ROBO2: variants seen among roughly 807,000 people sequenced by gnomAD.
ROBO2 encodes the protein roundabout homolog 2.
A neutral mutation model predicts 160.8 loss-of-function variants in ROBO2; 53 were observed. The observed-to-expected ratio is 0.33, with a 90% CI of 0.26 to 0.41. ROBO2 has a LOEUF of 0.41. Among genes scored for constraint, ROBO2 ranks in the 10% least tolerant of loss-of-function variants. ROBO2 has a pLI of 1.00. For missense variants in ROBO2, 1,577 were observed against 1,722.4 expected (o/e 0.92, Z 1.49); for synonymous variants, 664 against 611.7 (o/e 1.09, Z -1.26).
intron 2 of ROBO2, among the ~76,000 whole-genome samples, chr3:77,319,577 A>G (rs1249017203): frequency 6.6e-6 from 1 of 152,212 alleles, no homozygotes; most frequent in Non-Finnish European, 1.5e-5. Flanking sequence ...GTGTGCTATG[A>G]GTAAGACAGC....
intron 2 of ROBO2, among the ~76,000 whole-genome samples, chr3:76,967,073 C>A (rs1394971271): frequency 6.6e-6 from 1 of 152,152 alleles, no homozygotes; most frequent in Non-Finnish European, 1.5e-5. Flanking sequence ...AATCTCACAT[C>A]AAACTTGTAA....
chr3:76,298,477 C>A (rs1479895691), intron 2 of ROBO2, among the ~76,000 whole-genome samples: 1 of 152,112 alleles, frequency 6.6e-6, no homozygotes, highest in East Asian at 1.9e-4. Flanking sequence ...TTGAAAATTT[C>A]TTTAAATATA....
intron 2 of ROBO2, among the ~76,000 whole-genome samples, chr3:76,677,138 C>T (rs1252003878): frequency 6.6e-6 from 1 of 151,948 alleles, no homozygotes; most frequent in African/African-American, 2.4e-5. Flanking sequence ...GATATAACAA[C>T]ATTCCTTAAT....
chr3:76,266,427 C>T (rs1488876684), intron 2 of ROBO2, among the ~76,000 whole-genome samples: 1 of 152,154 alleles, frequency 6.6e-6, no homozygotes, highest in Non-Finnish European at 1.5e-5. Context: ...TCTCACATCA[C>T]ACAGGGCATA....
At chr3:76,021,185 T>C (rs1173514566) in intron 2 of ROBO2, among the ~76,000 whole-genome samples, 1 of 151,818 alleles carries the variant, frequency 6.6e-6, no homozygotes, top group African/African-American at 2.4e-5. Flanking sequence ...AATGGAAATG[T>C]GAGTCCAAAA....
At chr3:76,981,567 T>A (rs973305056) in intron 2 of ROBO2, among the ~76,000 whole-genome samples, 1 of 152,246 alleles carries the variant, frequency 6.6e-6, no homozygotes, top group East Asian at 1.9e-4. Flanking sequence ...GTATAAGTTA[T>A]CAGATTTGCA....
intron 2 of ROBO2, among the ~76,000 whole-genome samples, chr3:76,619,568 G>C (rs2088894682): frequency 6.6e-6 from 1 of 152,116 alleles, no homozygotes; most frequent in Non-Finnish European, 1.5e-5. Context: ...ATACAGTAAG[G>C]ATATTAAAGT....
rs188303345 is a variant in ROBO2, at chr3:76,166,555, A to G, written c.109+228953A>G. On this transcript the variant is annotated intron_variant, in intron 2 of 26. Coordinates refer to the ROBO2 transcript ENST00000487694. ...TACCTCAACCTCTAAATAAATCCTCATTTAGCCTAACTATCCAGCTACCTA... is the reference window on the plus strand; with the variant it reads ...TACCTCAACCTCTAAATAAATCCTCGTTTAGCCTAACTATCCAGCTACCTA... Among the ~76,000 whole-genome samples, 7 of 152,242 alleles carry G rather than the reference A, an allele frequency of 4.6e-5. No homozygotes were observed. In the East Asian group the frequency reaches 1.4e-3, roughly 29 times the overall value.
At chr3:76,056,994 T>C (rs1576664215) in intron 2 of ROBO2, among the ~76,000 whole-genome samples, 2 of 152,336 alleles carry the variant, frequency 1.3e-5, no homozygotes, top group African/African-American at 4.8e-5. Flanking sequence ...TAAACTATGT[T>C]ATTTACCTGA....
rs150774831 is a variant in ROBO2, at chr3:76,422,958, G to T, written c.109+485356G>T. 2.4e-3 allele frequency among the ~76,000 whole-genome samples: 361 copies of T among 152,202 alleles called. 1 individual carries two copies. Among genetic ancestry groups the T allele is most frequent in the Non-Finnish European group, 3.2e-3 (216 of 68,002 alleles). On this transcript the variant is annotated intron_variant, in intron 2 of 26. Transcript: ENST00000487694. ...TACTAAAGATGCATGATGAAAAGGG[G>T]AGGATAAACTCGGTAGGATACCTAA...
chr3:77,625,652 A>G (rs1215665235), intron 23 of ROBO2, among the ~76,000 whole-genome samples: 1 of 152,156 alleles, frequency 6.6e-6, no homozygotes, highest in Non-Finnish European at 1.5e-5. Context: ...CTGGGATTAC[A>G]GGCGTGAGCC....
intron 2 of ROBO2, among the ~76,000 whole-genome samples, chr3:76,282,112 A>G (rs1203002404): frequency 6.6e-6 from 1 of 152,022 alleles, no homozygotes; most frequent in Non-Finnish European, 1.5e-5. Flanking sequence ...AATCTTCACA[A>G]GTGTCTCAAA....
chr3:76,534,277 G>A (rs1221030155), intron 2 of ROBO2, among the ~76,000 whole-genome samples: 2 of 152,014 alleles, frequency 1.3e-5, no homozygotes, highest in African/African-American at 4.8e-5. Context: ...GCACATTTTT[G>A]AGCTTGGAAC....
intron 2 of ROBO2, among the ~76,000 whole-genome samples, chr3:76,768,810 G>A (rs1576513368): frequency 6.6e-6 from 1 of 151,226 alleles, no homozygotes; most frequent in East Asian, 2.0e-4. Flanking sequence ...TCAGTGCATA[G>A]TGAAGCACAC....
chr3:77,040,516 G>A, exon 1 of ROBO2: 2 of 1,350,524 alleles, frequency 1.5e-6, no homozygotes, highest in Non-Finnish European at 1.9e-6. Flanking sequence ...CCTCTGGCTG[G>A]GCTGAATTTG....
At chr3:76,509,029 A>T (rs2080944244) in intron 2 of ROBO2, among the ~76,000 whole-genome samples, 1 of 152,202 alleles carries the variant, frequency 6.6e-6, no homozygotes. Context: ...TATCAAAGTT[A>T]TATACATGCC....
exon 20 of ROBO2, chr3:77,602,264 A>C: frequency 6.2e-7 from 1 of 1,614,176 alleles, no homozygotes; most frequent in Non-Finnish European, 8.5e-7. Flanking sequence ...ATGCTCTCAG[A>C]TGGAGCCATT....
intron 2 of ROBO2, among the ~76,000 whole-genome samples, chr3:76,704,449 A>G (rs2093115708): frequency 6.6e-6 from 1 of 152,166 alleles, no homozygotes; most frequent in Admixed American, 6.6e-5. Flanking sequence ...AGGCGTCAAC[A>G]TAAATACCCA....
chr3:77,577,714 GT>G, intron 15 of ROBO2, 100 bp downstream of exon 16: 1 of 1,397,556 alleles, frequency 7.2e-7, no homozygotes, highest in Non-Finnish European at 1.0e-6. Flanking sequence ...CTCTTATTCA[GT>G]TTAAGTGTAA....
Sources: allele counts gnomAD v4.1 joint callset (sites outside exome capture counted in the v4.1 genomes callset), GRCh38; gene constraint gnomAD v4.1.1; transcripts MANE v1.5; gene names NCBI Gene and HGNC (gene_info 2026-07-23, HGNC 2026-07-21).